SEC24B: variants seen among roughly 807,000 people sequenced by gnomAD.
SEC24B encodes the protein protein transport protein Sec24B.
In SEC24B, 45 loss-of-function variants were observed where a neutral mutation model predicts 142.8. The observed-to-expected ratio is 0.32, with a 90% confidence interval of 0.25 to 0.40. SEC24B has a LOEUF of 0.40. Among genes scored for constraint, SEC24B ranks in the 10% least tolerant of loss-of-function variants. SEC24B has a pLI of 1.00. For synonymous variants in SEC24B, 574 were observed against 568.2 expected, an observed-to-expected ratio of 1.01 and a Z score of -0.15; for missense variants, 1,409 against 1,526.8, an observed-to-expected ratio of 0.92 and a Z score of 1.29.
chr4:109,485,575 T>G (rs1026266789), intron 4 of SEC24B, among the ~76,000 whole-genome samples: 1 of 152,238 alleles, frequency 6.6e-6, no homozygotes, highest in Non-Finnish European at 1.5e-5. Context: ...AATCTTAGTG[T>G]TCTCTATTAA....
intron 1 of SEC24B, among the ~76,000 whole-genome samples, chr4:109,447,158 A>C (rs1361106072): frequency 6.6e-6 from 1 of 152,204 alleles, no homozygotes; most frequent in Non-Finnish European, 1.5e-5. Flanking sequence ...GGAAGGTTCC[A>C]TATACAGGGA....
At chr4:109,451,472 ATACT>A (rs796337962) in intron 1 of SEC24B, among the ~76,000 whole-genome samples, 2 of 151,768 alleles carry the variant, frequency 1.3e-5, no homozygotes, top group South Asian at 4.2e-4. Flanking sequence ...AATACTATTG[ATACT>A]TACTTTTGTT....
intron 1 of SEC24B, among the ~76,000 whole-genome samples, chr4:109,452,410 C>G (rs138428256): frequency 6.6e-6 from 1 of 152,174 alleles, no homozygotes; most frequent in African/African-American, 2.4e-5. Context: ...TGTGTGAACG[C>G]AAGTTTGCAG....
chr4:109,454,439 T>A (rs183888905), intron 1 of SEC24B, among the ~76,000 whole-genome samples: 3 of 151,064 alleles, frequency 2.0e-5, no homozygotes, highest in Non-Finnish European at 2.9e-5. Context: ...CTAGGGAAAG[T>A]AAGGCAGGAG....
chr4:109,525,741 A>G (rs138754222), intron 16 of SEC24B, among the ~76,000 whole-genome samples: 142 of 152,266 alleles, frequency 9.3e-4, no homozygotes, highest in African/African-American at 3.2e-3. Flanking sequence ...GAGAAAGCCT[A>G]TATTAGAAAT....
At chr4:109,532,543 A>G (rs1725041165) in intron 20 of SEC24B, 96 bp from the exon 21 acceptor site, 1 of 858,622 alleles carries the variant, frequency 1.2e-6, no homozygotes, top group Middle Eastern at 3.0e-4. Context: ...CCCAAGTGTT[A>G]TTTTCCAATG....
intron 1 of SEC24B, among the ~76,000 whole-genome samples, chr4:109,441,608 T>G (rs1225796215): frequency 1.3e-5 from 2 of 152,112 alleles, no homozygotes; most frequent in Non-Finnish European, 2.9e-5. Context: ...ATTTTTGTAT[T>G]TTTTGTAGAG....
At chr4:109,535,554 T>TA (rs879492838) in intron 22 of SEC24B, among the ~76,000 whole-genome samples, 33 of 140,638 alleles carry the variant, frequency 2.3e-4, no homozygotes, top group South Asian at 1.8e-3. Flanking sequence ...AGACTCCGTC[T>TA]AAAAAAAAAA....
chr4:109,442,004 A>G (rs1326752970), intron 1 of SEC24B, among the ~76,000 whole-genome samples: 1 of 152,194 alleles, frequency 6.6e-6, no homozygotes, highest in Non-Finnish European at 1.5e-5. Context: ...ATAACCTAGG[A>G]TATCCAGATG....
intron 3 of SEC24B, among the ~76,000 whole-genome samples, chr4:109,480,375 CTA>C (rs1733613583): frequency 6.6e-6 from 1 of 151,974 alleles, no homozygotes; most frequent in African/African-American, 2.4e-5. Flanking sequence ...AAAATCCCCA[CTA>C]TGTTTCTGGC....
chr4:109,525,624 A>G, intron 16 of SEC24B, 120 bp downstream of exon 16: 1 of 583,536 alleles, frequency 1.7e-6, no homozygotes, highest in East Asian at 3.2e-5. Context: ...CATTAGCTAT[A>G]CCATGTTTTA....
In SEC24B at chr4:109,463,358, A is replaced by G. The variant is rs1731507734; in HGVS notation, c.591A>G (p.Ser197=). The change falls in exon 2 of 24, where the codon TCA becomes TCG. Residue 197 remains serine (S), a synonymous_variant. Transcript: ENST00000265175. ...TVSNAAYPSV[S]YPSLPAGDTY... ...CTAATGCCGCGTATCCTAGTGTTTC[A>G]TATCCCTCTCTGCCTGCTGGTGATA... is the stretch of plus-strand genomic sequence containing the variant. 1 of 1,614,152 alleles carries G rather than the reference A, an allele frequency of 6.2e-7. No individual in the cohort carries two copies. Among genetic ancestry groups the G allele is most frequent in the African/African-American group, 1.3e-5 (1 of 75,028 alleles).
At chr4:109,500,231 A>G (rs1383834527) in intron 6 of SEC24B, among the ~76,000 whole-genome samples, 3 of 152,194 alleles carry the variant, frequency 2.0e-5, no homozygotes, top group African/African-American at 7.2e-5. Flanking sequence ...TGCAAAAGTC[A>G]TTGCGGTTCT....
chr4:109,534,294 C>G (rs1445695029), intron 22 of SEC24B, among the ~76,000 whole-genome samples: 1 of 149,832 alleles, frequency 6.7e-6, no homozygotes, highest in Non-Finnish European at 1.5e-5. Flanking sequence ...TTTTTTTATA[C>G]TATTAAAATG....
intron 2 of SEC24B, among the ~76,000 whole-genome samples, chr4:109,468,840 T>C (rs948758625): frequency 6.6e-5 from 10 of 152,344 alleles, no homozygotes; most frequent in African/African-American, 2.4e-4. Context: ...CGCTCCTAGT[T>C]TCTAAAGAAT....
intron 17 of SEC24B, among the ~76,000 whole-genome samples, chr4:109,526,684 C>T (rs561557229): frequency 7.9e-5 from 12 of 152,054 alleles, no homozygotes; most frequent in African/African-American, 2.7e-4. Context: ...TATTTCTTGC[C>T]CCAAAAAGTA....
intron 22 of SEC24B, 132 bp downstream of exon 22, chr4:109,533,817 A>G (rs1341589859): frequency 1.5e-6 from 1 of 658,686 alleles, no homozygotes; most frequent in East Asian, 2.7e-5. Context: ...TTTTACAGCC[A>G]TTACCACTAT....
chr4:109,505,207 T>G (rs1736554843), intron 6 of SEC24B, among the ~76,000 whole-genome samples: 3 of 152,012 alleles, frequency 2.0e-5, no homozygotes, highest in Admixed American at 2.0e-4. Context: ...AAATGATCCT[T>G]AAATATGAAA....
At chr4:109,461,269 G>A (rs1731228321) in intron 1 of SEC24B, among the ~76,000 whole-genome samples, 1 of 152,178 alleles carries the variant, frequency 6.6e-6, no homozygotes, top group Non-Finnish European at 1.5e-5. Flanking sequence ...GCAATATGAA[G>A]CATTATTGAT....
Sources: allele counts gnomAD v4.1 joint callset (sites outside exome capture counted in the v4.1 genomes callset), GRCh38; gene constraint gnomAD v4.1.1; transcripts MANE v1.5; gene names NCBI Gene and HGNC (gene_info 2026-07-23, HGNC 2026-07-21).